Variants in HECTD4 observed in about 807,000 individuals in gnomAD.
The protein encoded by HECTD4 is probable E3 ubiquitin-protein ligase HECTD4.
Under a neutral mutation model 471.5 loss-of-function variants are expected in HECTD4, and 114 were observed. That is an observed-to-expected ratio of 0.24 (90% CI 0.21 to 0.28). The LOEUF (loss-of-function observed/expected upper bound fraction) is 0.28, where lower values mean the gene tolerates loss of function less well. Among genes scored for constraint, HECTD4 ranks in the 10% least tolerant of loss-of-function variants. The pLI is 1.00. For synonymous variants in HECTD4, 2,012 were observed against 2,256.0 expected (o/e 0.89, Z 3.07); for missense variants, 3,866 against 5,651.5 (o/e 0.68, Z 10.13).
chr12:112,272,259 A>G (rs2135623701), intron 11 of HECTD4, among the ~76,000 whole-genome samples: 1 of 152,320 alleles, frequency 6.6e-6, no homozygotes, highest in East Asian at 1.9e-4. Context: ...CGTGTTGGCC[A>G]GGCTGGTCTC....
At chr12:112,376,639 C>T (rs1000936968) in intron 1 of HECTD4, among the ~76,000 whole-genome samples, 1 of 152,208 alleles carries the variant, frequency 6.6e-6, no homozygotes, top group Non-Finnish European at 1.5e-5. Context: ...CATCTCTCCT[C>T]TCCCCTTTAG....
intron 1 of HECTD4, among the ~76,000 whole-genome samples, chr12:112,372,462 C>T (rs1243901601): frequency 2.0e-5 from 3 of 151,610 alleles, no homozygotes; most frequent in South Asian, 2.1e-4. Context: ...GGGGTTTCAC[C>T]GTGTTAGCGA....
At chr12:112,247,582 G>A in intron 27 of HECTD4, 32 bp from the exon 28 acceptor site, 2 of 1,137,872 alleles carry the variant, frequency 1.8e-6, no homozygotes, top group Non-Finnish European at 2.5e-6. Flanking sequence ...TGCAGAATCT[G>A]CAAGAACCAA....
At position 112,231,779 on chromosome 12, in the gene HECTD4, G is replaced by C. The variant is rs566297485; in HGVS notation, c.5998-64C>G. The C allele has an allele frequency of 8.0e-6, 11 of 1,381,190 alleles. No individual in the cohort carries two copies. The East Asian group carries it at 1.5e-4, about 19-fold the overall frequency. The allele number at this position is 1,381,190 out of a possible 1,614,324, so 85.6% of individuals were successfully genotyped here. A position where few individuals can be genotyped will look rare whatever the true frequency, so the allele number is the denominator to read the frequency against. On this transcript the variant is annotated intron_variant, in intron 38 of 75. Transcript: ENST00000682272. ...GTCTTCCCAGCACTATATTTTTCAA[G>C]TCTATTTCCCCTCAATTACCAAAGC...
At chr12:112,295,326 A>C (rs148123100) in intron 7 of HECTD4, among the ~76,000 whole-genome samples, 1 of 151,850 alleles carries the variant, frequency 6.6e-6, no homozygotes, top group East Asian at 1.9e-4. Flanking sequence ...CTTTTGTTTT[A>C]TATAAAATAT....
rs760008766 is a variant in HECTD4, at chr12:112,163,716, G to A, written c.12723C>T (p.Tyr4241=). ...ILVAWENKDI[Y]AAAIRSLRLR... ...GCCGCAGGCTCCGGATGGCTGCCGC[G>A]TAGATGTCCTTGTTCTCCCACCTGC... The change falls in exon 74 of 76, where the codon TAC becomes TAT. Residue 4241 remains tyrosine, a synonymous_variant. Transcript: ENST00000682272. The surrounding 1 kb of genome is among the most constrained non-coding windows in gnomAD (Gnocchi z 8.2). 182 of 1,488,692 alleles carry A rather than the reference G, an allele frequency of 1.2e-4. No homozygotes were observed. Among genetic ancestry groups the A allele is most frequent in the Non-Finnish European group, 1.5e-4 (172 of 1,117,730 alleles). The allele number at this position is 1,488,692 out of a possible 1,614,324, so 92.2% of individuals were successfully genotyped here.
chr12:112,374,830 A>C (rs1426785749), intron 1 of HECTD4, among the ~76,000 whole-genome samples: 1 of 152,250 alleles, frequency 6.6e-6, no homozygotes, highest in African/African-American at 2.4e-5. Context: ...ATCAACTTCA[A>C]ACCCAAATGC....
At chr12:112,359,024 A>C (rs1951149171) in intron 1 of HECTD4, among the ~76,000 whole-genome samples, 1 of 152,096 alleles carries the variant, frequency 6.6e-6, no homozygotes, top group South Asian at 2.1e-4. Context: ...AAATACAAAA[A>C]AATTAGCCAG....
At chr12:112,305,422 T>C (rs1410231484) in intron 7 of HECTD4, among the ~76,000 whole-genome samples, 1 of 152,152 alleles carries the variant, frequency 6.6e-6, no homozygotes, top group Non-Finnish European at 1.5e-5. Flanking sequence ...TTCTGGAATG[T>C]TCTTCCCTCA....
intron 1 of HECTD4, among the ~76,000 whole-genome samples, chr12:112,321,552 C>T (rs1263221540): frequency 6.6e-6 from 1 of 152,128 alleles, no homozygotes; most frequent in East Asian, 1.9e-4. Context: ...GAAAATTCTG[C>T]CAGGTCTTTG....
At chr12:112,329,825 A>G (rs1335569344) in intron 1 of HECTD4, among the ~76,000 whole-genome samples, 1 of 152,170 alleles carries the variant, frequency 6.6e-6, no homozygotes, top group Non-Finnish European at 1.5e-5. Context: ...TAGAATTTGG[A>G]GGTTGGGTAC....
chr12:112,380,829 GA>G (rs2036873750), intron 1 of HECTD4, among the ~76,000 whole-genome samples: 1 of 152,148 alleles, frequency 6.6e-6, no homozygotes, highest in African/African-American at 2.4e-5. Flanking sequence ...GCCGTTTCCA[GA>G]AACACACAGT....
chr12:112,348,629 G>T (rs924749658), intron 1 of HECTD4, among the ~76,000 whole-genome samples: 1 of 152,094 alleles, frequency 6.6e-6, no homozygotes, highest in Admixed American at 6.6e-5. Context: ...ACACAGTGGT[G>T]TGTGCGTATA....
chr12:112,179,830 T>C lies in HECTD4; in HGVS notation c.10988-433A>G, dbSNP rs2031600508. 6.6e-6 allele frequency among the ~76,000 whole-genome samples: 1 copy of C among 152,216 alleles called. No individual in the cohort carries two copies. The highest frequency in any genetic ancestry group is 1.5e-5 in the Non-Finnish European group (1 of 68,034). ...TTTAGTCTAGAATAATCCCAGAGGA[T>C]AGATAGCCAGCAAGTATTTTTAGTG... On this transcript the variant is annotated intron_variant, in intron 62 of 75. Transcript: ENST00000682272. This position sits in a 1 kb window ranked among gnomAD's most constrained non-coding sequence, Gnocchi z 4.3.
chr12:112,328,630 T>C (rs74649344), intron 1 of HECTD4, among the ~76,000 whole-genome samples: 2,311 of 152,286 alleles, frequency 0.015, 33 homozygotes, highest in Non-Finnish European at 0.021. Context: ...AAGTACATCA[T>C]GATGGGAGGG....
In HECTD4 at chr12:112,183,076, T is replaced by A; in HGVS notation, c.10970A>T (p.Asn3657Ile). The change falls in exon 62 of 76, where the codon AAT becomes ATT. Residue 3657 changes from asparagine (N) to isoleucine (I), a missense_variant. Physicochemically the swap from Asn to Ile is moderately radical, Grantham distance 149. This residue lies in a region of HECTD4 where 715 missense variants were observed against 1,087.6 expected (regional missense o/e 0.66). Transcript: ENST00000682272. ...QGSPGLEDYF[N>I]DKSIKGEKLV... is the part of the protein sequence containing the mutation. ...GAACCCACCTTTAATTGACTTATCA[T>A]TGAAATAATCTTCTAACCCTGGGCT... The A allele has an allele frequency of 6.2e-7, 1 of 1,612,966 alleles. No individual in the cohort carries two copies. Among genetic ancestry groups the A allele is most frequent in the Non-Finnish European group, 8.5e-7 (1 of 1,179,106 alleles).
At chr12:112,359,573 C>T (rs2135746573) in intron 1 of HECTD4, among the ~76,000 whole-genome samples, 1 of 152,270 alleles carries the variant, frequency 6.6e-6, no homozygotes, top group South Asian at 2.1e-4. Flanking sequence ...TGCCTGCCAC[C>T]ATGTCCAGCT....
chr12:112,331,883 T>C (rs1393412479), intron 1 of HECTD4, among the ~76,000 whole-genome samples: 3 of 152,200 alleles, frequency 2.0e-5, no homozygotes, highest in Non-Finnish European at 4.4e-5. Context: ...ATTTATATTC[T>C]GCAATGGTCA....
chr12:112,162,903 A>T lies in HECTD4; in HGVS notation c.13120+139T>A. 2 of 705,156 alleles carry T rather than the reference A, an allele frequency of 2.8e-6. No individual in the cohort carries two copies. Among genetic ancestry groups the T allele is most frequent in the Admixed American group, 5.6e-5 (2 of 35,956 alleles). 43.7% of individuals were successfully genotyped at this position (705,156 alleles called of 1,614,324 possible). On this transcript the variant is annotated intron_variant, in intron 75 of 75. Coordinates refer to ENST00000682272, the MANE Select transcript of HECTD4 (RefSeq NM_001388303.1). This position sits in a 1 kb window ranked among gnomAD's most constrained non-coding sequence, Gnocchi z 5.2. ...TATGGCTGGTTCCTGCCGGGCCCTA[A>T]TCCTCAATGATGTCTGAGTTTTGGC... is the stretch of plus-strand genomic sequence containing the variant.
Sources: gnomAD v4.1 joint callset for allele counts (sites outside exome capture counted in the v4.1 genomes callset) on GRCh38, gnomAD v4.1.1 for gene constraint, gnomAD v4.1.1 regional missense constraint, Gnocchi (gnomAD v3.1) non-coding constraint, MANE v1.5 for transcripts, NCBI Gene and HGNC (gene_info 2026-07-23, HGNC 2026-07-21) for gene names.